The following REPS2 variants were observed in gnomAD, a reference collection of about 807,000 sequenced individuals.
The protein encoded by REPS2 is ralBP1-associated Eps domain-containing protein 2.
In REPS2, 23 loss-of-function variants were observed where a neutral mutation model predicts 53.6. The ratio of observed to expected loss-of-function variants is 0.43; its 90% confidence interval spans 0.31 to 0.61. The LOEUF (loss-of-function observed/expected upper bound fraction) is 0.61. REPS2 is among the 20% of genes least tolerant of loss of function. REPS2 has a pLI of 0.11. For synonymous variants in REPS2, 238 were observed against 218.6 expected (o/e 1.09, Z -0.78); for missense variants, 446 against 534.9 (o/e 0.83, Z 1.64).
At chrX:17,127,347 C>T (rs2063228379) in intron 14 of REPS2, among the ~76,000 whole-genome samples, 1 of 112,315 alleles carries the variant, frequency 8.9e-6, no homozygotes, top group Non-Finnish European at 1.9e-5. Context: ...AGATTGATTC[C>T]TTACTTAAAA....
intron 5 of REPS2, among the ~76,000 whole-genome samples, chrX:17,031,219 G>A: frequency 8.9e-6 from 1 of 112,174 alleles, no homozygotes; most frequent in Non-Finnish European, 1.9e-5. Context: ...GGCTGTGTAG[G>A]TTCCTACAGA....
intron 17 of REPS2, among the ~76,000 whole-genome samples, chrX:17,145,063 G>T (rs756548336): frequency 8.9e-6 from 1 of 111,860 alleles, no homozygotes; most frequent in South Asian, 3.8e-4. Context: ...TATTTTCCTG[G>T]ATTTCCTAAG....
chrX:17,022,184 A>G lies in REPS2; in HGVS notation c.459A>G (p.Pro153=). 8.3e-7 allele frequency: 1 copy of G among 1,209,198 alleles called. No individual in the cohort carries two copies. Among genetic ancestry groups the G allele is most frequent in the Non-Finnish European group, 1.1e-6 (1 of 892,861 alleles). The change falls in exon 3 of 18, where the codon CCA becomes CCG. Residue 153 remains proline (P), a synonymous_variant. Transcript: ENST00000357277. The part of the protein sequence containing the change: ...KNDGEIRFGN[P]AELHGTKVQI... ...ATGGTGAGATACGATTTGGGAACCC[A>G]GCTGAGCTGCATGGAACTAAGGTTC...
intron 14 of REPS2, among the ~76,000 whole-genome samples, chrX:17,130,344 T>C (rs1242520230): frequency 8.9e-6 from 1 of 111,914 alleles, no homozygotes; most frequent in East Asian, 2.8e-4. Context: ...GTTTCCCATC[T>C]TGGGGATTGA....
At chrX:16,962,175 A>T (rs759839870) in intron 1 of REPS2, among the ~76,000 whole-genome samples, 6 of 110,675 alleles carry the variant, frequency 5.4e-5, no homozygotes, top group Non-Finnish European at 1.1e-4. Context: ...TCAAAGAGGT[A>T]TCTACACTCC....
At chrX:16,951,120 T>C (rs1247794986) in intron 1 of REPS2, among the ~76,000 whole-genome samples, 1 of 112,251 alleles carries the variant, frequency 8.9e-6, no homozygotes, top group African/African-American at 3.2e-5. Flanking sequence ...TACCACACAC[T>C]ATGCCTTCTA....
chrX:16,951,560 C>CACACACACACACACA (rs1555906117), intron 1 of REPS2, among the ~76,000 whole-genome samples: 1 of 19,888 alleles, frequency 5.0e-5, no homozygotes, highest in Non-Finnish European at 1.8e-4. Context: ...CACACACACA[C>CACACACACACACACA]CCCCGCTACC....
intron 5 of REPS2, among the ~76,000 whole-genome samples, chrX:17,043,353 C>CT (rs2061859719): frequency 9.0e-6 from 1 of 111,233 alleles, no homozygotes; most frequent in Non-Finnish European, 1.9e-5. Context: ...TCATGGGAAT[C>CT]TAAGAAATGA....
At chrX:17,082,720 G>A (rs1392347491) in intron 13 of REPS2, among the ~76,000 whole-genome samples, 1 of 112,648 alleles carries the variant, frequency 8.9e-6, no homozygotes, top group Non-Finnish European at 1.9e-5. Flanking sequence ...TGCAGAATGT[G>A]TATGTTTATA....
intron 1 of REPS2, among the ~76,000 whole-genome samples, chrX:17,000,666 A>G (rs1193370238): frequency 1.8e-5 from 2 of 112,067 alleles, no homozygotes; most frequent in Non-Finnish European, 3.8e-5. Context: ...TAACAAGAGA[A>G]AAAATAAACT....
intron 1 of REPS2, among the ~76,000 whole-genome samples, chrX:16,962,276 TACACACACACAC>T (rs61520216): frequency 0.041 from 3,351 of 81,808 alleles, 161 homozygotes; most frequent in African/African-American, 0.14. Flanking sequence ...TATCGTGGGA[TACACACACACAC>T]ACACACACAC....
chrX:17,111,195 T>A (rs891997587), intron 14 of REPS2, among the ~76,000 whole-genome samples: 10 of 112,276 alleles, frequency 8.9e-5, no homozygotes, highest in East Asian at 5.5e-4. Context: ...ATGTTTTTTT[T>A]ATCAAATTAA....
the REPS2 span, among the ~76,000 whole-genome samples, chrX:17,172,378 T>C: frequency 1.8e-5 from 2 of 111,411 alleles, no homozygotes; most frequent in Non-Finnish European, 3.8e-5. Flanking sequence ...TCATGAGATC[T>C]GGTTGTTTAA....
chrX:17,011,733 T>C (rs2061432164), intron 2 of REPS2, among the ~76,000 whole-genome samples: 1 of 110,728 alleles, frequency 9.0e-6, no homozygotes, highest in African/African-American at 3.3e-5. Flanking sequence ...CCGGCAAATG[T>C]GGTGAAACCT....
intron 1 of REPS2, among the ~76,000 whole-genome samples, chrX:16,956,116 G>A (rs1241741234): frequency 9.1e-6 from 1 of 110,371 alleles, no homozygotes; most frequent in Non-Finnish European, 1.9e-5. Context: ...GGCTACTCCT[G>A]CACGCAGTGC....
At position 17,149,106 on chromosome X, in the gene REPS2, G is replaced by T; in HGVS notation, c.*1625G>T. 1 of 267,000 alleles carries T rather than the reference G, an allele frequency of 3.7e-6. No individual in the cohort carries two copies. The highest frequency in any genetic ancestry group is 7.2e-6 in the Non-Finnish European group (1 of 139,745). The allele number at this position is 267,000 out of a possible 1,213,427, so 22.0% of individuals were successfully genotyped here. ...CGTGCATATTTAAGGATTTTGAATTGATTTTGAAAATCATGAAACTTGAAC... is the reference window on the plus strand; with the variant it reads ...CGTGCATATTTAAGGATTTTGAATTTATTTTGAAAATCATGAAACTTGAAC... On this transcript the variant is annotated 3_prime_UTR_variant, in exon 18 of 18. Transcript: ENST00000357277.
intron 14 of REPS2, among the ~76,000 whole-genome samples, chrX:17,123,368 C>A (rs2063166622): frequency 1.8e-5 from 2 of 112,444 alleles, no homozygotes; most frequent in Non-Finnish European, 3.8e-5. Flanking sequence ...AGAACAAAAC[C>A]CAGGTCATGG....
chrX:17,159,196 C>G, the REPS2 span, among the ~76,000 whole-genome samples: 1 of 111,906 alleles, frequency 8.9e-6, no homozygotes, highest in African/African-American at 3.2e-5. Flanking sequence ...TCAGCCTCCC[C>G]AGATGATACT....
chrX:16,980,167 G>T (rs1476087931), intron 1 of REPS2, among the ~76,000 whole-genome samples: 1 of 107,255 alleles, frequency 9.3e-6, no homozygotes. Flanking sequence ...GGAGTGCAGT[G>T]GTGTGATCTT....
Sources: gnomAD v4.1 joint callset for allele counts (sites outside exome capture counted in the v4.1 genomes callset) on GRCh38, gnomAD v4.1.1 for gene constraint, MANE v1.5 for transcripts, NCBI Gene and HGNC (gene_info 2026-07-23, HGNC 2026-07-21) for gene names.